Variants in BCAP31 observed in about 807,000 individuals in gnomAD.
BCAP31 encodes the protein B-cell receptor-associated protein 31.
For missense variants in BCAP31, 124 were observed against 193.0 expected (o/e 0.64, Z 2.12); for synonymous variants, 75 against 80.9 (o/e 0.93, Z 0.39).
At chrX:153,702,239 T>C (rs782678494) in intron 6 of BCAP31, 132 bp from the exon 7 acceptor site, 26 of 520,144 alleles carry the variant, frequency 5.0e-5, no homozygotes, top group Non-Finnish European at 8.1e-5. Flanking sequence ...AGGCTACTTC[T>C]CAAAATAAAG....
intron 4 of BCAP31, among the ~76,000 whole-genome samples, chrX:153,714,963 G>A (rs1444245365): frequency 1.8e-5 from 2 of 111,634 alleles, no homozygotes; most frequent in African/African-American, 6.5e-5. Flanking sequence ...GCACTTCGTA[G>A]TGGTCTAGTT....
rs2148368903 is a variant in BCAP31 at position 153,700,672 on chromosome X, A to G, written c.*265T>C. ...CAACTAACTCGTGCTCTCCACGCTC[A>G]GGCGTGGAAGCCAAGGCTGTGCCAG... On this transcript the variant is annotated 3_prime_UTR_variant, in exon 8 of 8. Coordinates refer to ENST00000345046, the MANE Select transcript of BCAP31 (RefSeq NM_001256447.2). 6.3e-6 allele frequency: 2 copies of G among 319,096 alleles called. No individual in the cohort carries two copies. The highest frequency in any genetic ancestry group is 5.4e-5 in the East Asian group (1 of 18,662). 26.3% of individuals were successfully genotyped at this position (319,096 alleles called of 1,213,427 possible). A position where few individuals can be genotyped will look rare whatever the true frequency, so the allele number is the denominator to read the frequency against.
rs1557051450 is a variant in BCAP31, at chrX:153,723,197, G to A, written c.48C>T (p.Val16=). The change falls in exon 2 of 8, where the codon GTC becomes GTT. Residue 16 remains valine (V), a synonymous_variant. Transcript: ENST00000345046. ...GAATGCAGAGAAGCAACACAACAAA[G>A]ACCTCCGCATAGAGGAAGGTGGCAA... The part of the protein sequence containing the change: ...TAVATFLYAE[V]FVVLLLCIPF... The A allele has an allele frequency of 8.3e-7, 1 of 1,208,575 alleles. No individual in the cohort carries two copies. The highest frequency in any genetic ancestry group is 1.8e-5 in the African/African-American group (1 of 56,976).
At chrX:153,712,899 C>T (rs782231460) in intron 4 of BCAP31, among the ~76,000 whole-genome samples, 6 of 111,850 alleles carry the variant, frequency 5.4e-5, no homozygotes, top group Non-Finnish European at 1.1e-4. Context: ...TTGCAGCTTG[C>T]AGGAAACACT....
At chrX:153,713,743 G>C (rs2091607416) in intron 4 of BCAP31, among the ~76,000 whole-genome samples, 1 of 110,355 alleles carries the variant, frequency 9.1e-6, no homozygotes. Flanking sequence ...TCTCATCCTA[G>C]TGTTTCCTTT....
intron 3 of BCAP31, among the ~76,000 whole-genome samples, chrX:153,719,855 T>C (rs1278680331): frequency 8.9e-6 from 1 of 112,021 alleles, no homozygotes. Context: ...AATGTCTGCC[T>C]TTCATCTTAC....
intron 3 of BCAP31, among the ~76,000 whole-genome samples, chrX:153,719,638 C>G (rs986068730): frequency 1.8e-5 from 2 of 111,361 alleles, no homozygotes; most frequent in Non-Finnish European, 3.8e-5. Flanking sequence ...TCTGCTGGGA[C>G]TCGGTGGGAG....
intron 2 of BCAP31, among the ~76,000 whole-genome samples, chrX:153,721,390 C>T (rs782453912): frequency 1.6e-4 from 16 of 100,755 alleles, no homozygotes; most frequent in African/African-American, 5.5e-4. Flanking sequence ...GAGCCGAGAT[C>T]GCGCCACTGC....
intron 6 of BCAP31, 159 bp from the exon 7 acceptor site, chrX:153,702,266 G>C: frequency 2.2e-6 from 1 of 450,137 alleles, no homozygotes; most frequent in Non-Finnish European, 3.8e-6. Context: ...TGCTTTTGCA[G>C]GCCCCCAAAG....
In BCAP31 at chrX:153,721,735, T is replaced by C. The variant is rs374099132; in HGVS notation, c.93-763A>G. 1.5e-4 allele frequency among the ~76,000 whole-genome samples: 16 copies of C among 106,764 alleles called. No individual in the cohort carries two copies. In the East Asian group the frequency reaches 4.5e-3, roughly 30 times the overall value. 92.7% of individuals were successfully genotyped at this position (106,764 alleles called of 115,157 possible). A position where few individuals can be genotyped will look rare whatever the true frequency, so the allele number is the denominator to read the frequency against. On this transcript the variant is annotated intron_variant, in intron 2 of 7. Coordinates refer to ENST00000345046, the MANE Select transcript of BCAP31 (RefSeq NM_001256447.2). ...AACTCCCATCTCTACTAAAAATATA[T>C]ATATAAAAAAAAATTAGCTGGGCAT... is the stretch of plus-strand genomic sequence containing the variant.
At chrX:153,708,235 G>A (rs1305512379) in intron 4 of BCAP31, among the ~76,000 whole-genome samples, 7 of 112,376 alleles carry the variant, frequency 6.2e-5, no homozygotes, top group African/African-American at 2.3e-4. Context: ...AACCAGAGAA[G>A]GCAGGAGAAA....
At chrX:153,723,895 G>C (rs956109165) in intron 1 of BCAP31, 4 of 513,309 alleles carry the variant, frequency 7.8e-6, no homozygotes, top group Non-Finnish European at 1.4e-5. Context: ...AGGCCCGCAA[G>C]AGCGACTCCT....
chrX:153,701,045 C>T, intron 7 of BCAP31, 70 bp from the exon 8 acceptor site: 1 of 1,002,375 alleles, frequency 1.0e-6, no homozygotes, highest in Non-Finnish European at 1.4e-6. Flanking sequence ...CCTCCAGCCC[C>T]ATGCCCCAGA....
At chrX:153,714,037 G>C (rs932964985) in intron 4 of BCAP31, among the ~76,000 whole-genome samples, 9 of 107,305 alleles carry the variant, frequency 8.4e-5, no homozygotes, top group Admixed American at 2.0e-4. Context: ...ACCAAGCCCA[G>C]CTAATTTTTT....
chrX:153,702,840 C>G, intron 6 of BCAP31, 95 bp downstream of exon 6: 1 of 1,136,047 alleles, frequency 8.8e-7, no homozygotes, highest in East Asian at 3.0e-5. Context: ...GCGTGCAAGG[C>G]TTGTTACTAA....
intron 4 of BCAP31, 110 bp from the exon 5 acceptor site, chrX:153,704,204 C>T (rs2091538652): frequency 3.3e-6 from 3 of 896,907 alleles, no homozygotes; most frequent in Non-Finnish European, 3.0e-6. Flanking sequence ...CTGGACCTGC[C>T]CTCTTGCCAA....
At chrX:153,703,431 T>C (rs782296421) in intron 5 of BCAP31, among the ~76,000 whole-genome samples, 27 of 112,835 alleles carry the variant, frequency 2.4e-4, no homozygotes, top group Non-Finnish European at 4.3e-4. Flanking sequence ...ATGGTGCCGC[T>C]CACTGCAGTT....
chrX:153,723,388 AC>A, intron 1 of BCAP31, 100 bp from the exon 2 acceptor site: 1 of 1,123,751 alleles, frequency 8.9e-7, no homozygotes, highest in East Asian at 3.3e-5. Flanking sequence ...CTCCACCCTG[AC>A]CCCCTGCACT....
At chrX:153,712,004 C>T (rs1306168052) in intron 4 of BCAP31, among the ~76,000 whole-genome samples, 1 of 111,110 alleles carries the variant, frequency 9.0e-6, no homozygotes, top group African/African-American at 3.3e-5. Flanking sequence ...CATGGGTGCT[C>T]CAAGAGGATC....
Sources: gnomAD v4.1 joint callset for allele counts (sites outside exome capture counted in the v4.1 genomes callset) on GRCh38, gnomAD v4.1.1 for gene constraint, MANE v1.5 for transcripts, NCBI Gene and HGNC (gene_info 2026-07-23, HGNC 2026-07-21) for gene names.